CORO2B: variants seen among roughly 807,000 people sequenced by gnomAD.
CORO2B encodes the protein coronin-2B.
CORO2B carries 26 observed loss-of-function variants against 58.8 expected under a neutral mutation model. That is an observed-to-expected ratio of 0.44 (90% CI 0.32 to 0.61). The LOEUF (loss-of-function observed/expected upper bound fraction) is 0.61. Ranked by LOEUF, CORO2B falls within the 20% of genes least tolerant of loss-of-function variation. CORO2B has a pLI of 0.04. For missense variants in CORO2B, 460 were observed against 645.1 expected (o/e 0.71, Z 3.11); for synonymous variants, 242 against 253.8 (o/e 0.95, Z 0.44).
the CORO2B span, among the ~76,000 whole-genome samples, chr15:68,546,126 C>T: frequency 6.6e-6 from 1 of 152,160 alleles, no homozygotes; most frequent in Admixed American, 6.5e-5. Flanking sequence ...GCACATAAAA[C>T]CACTCTCCTA....
At chr15:68,700,608 T>C (rs532346944) in intron 3 of CORO2B, among the ~76,000 whole-genome samples, 1 of 152,322 alleles carries the variant, frequency 6.6e-6, no homozygotes, top group South Asian at 2.1e-4. Flanking sequence ...GAGGGAGGGC[T>C]GGGGGCCATA....
At position 68,717,531 on chromosome 15, in the gene CORO2B, G is replaced by T. The variant is rs76023722; in HGVS notation, c.968-1167G>T. ...GGTATCGGATATGGAGGGGTGGAGA[G>T]GAAAGAAGCAGGAAGGGCTCAGAAT... On this transcript the variant is annotated intron_variant, in intron 8 of 11. Coordinates refer to ENST00000261861, the MANE Select transcript of CORO2B (RefSeq NM_006091.5). Among the ~76,000 whole-genome samples, 416 of 152,196 alleles carry T rather than the reference G, an allele frequency of 2.7e-3. 12 individuals are homozygous for T. The East Asian group carries it at 0.073, about 27-fold the overall frequency.
chr15:68,553,230 T>C, the CORO2B span, among the ~76,000 whole-genome samples: 11 of 152,258 alleles, frequency 7.2e-5, 2 homozygotes, highest in South Asian at 2.3e-3. Context: ...TCAGCAAAGG[T>C]GTCCTTGTCC....
At chr15:68,603,697 G>A (rs1900038496) in intron 1 of CORO2B, among the ~76,000 whole-genome samples, 1 of 152,144 alleles carries the variant, frequency 6.6e-6, no homozygotes, top group Non-Finnish European at 1.5e-5. Context: ...TCTGCACAGA[G>A]GACACAGCAA....
At chr15:68,597,014 G>A (rs752375793) in intron 1 of CORO2B, among the ~76,000 whole-genome samples, 35 of 152,072 alleles carry the variant, frequency 2.3e-4, no homozygotes, top group Non-Finnish European at 4.4e-4. Flanking sequence ...CTCAGGGACC[G>A]CCCTCCCCTG....
intron 1 of CORO2B, among the ~76,000 whole-genome samples, chr15:68,600,039 G>C (rs1462677738): frequency 6.6e-6 from 1 of 152,188 alleles, no homozygotes; most frequent in East Asian, 1.9e-4. Flanking sequence ...CTGGCAGAGG[G>C]AGTAGAGACA....
In CORO2B at chr15:68,710,496, T is replaced by C. The variant is rs1433823212; in HGVS notation, c.334-236T>C. 6.6e-6 allele frequency among the ~76,000 whole-genome samples: 1 copy of C among 152,134 alleles called. No individual in the cohort carries two copies. Among genetic ancestry groups the C allele is most frequent in the Admixed American group, 6.5e-5 (1 of 15,280 alleles). On this transcript the variant is annotated intron_variant, in intron 3 of 11. Coordinates refer to ENST00000261861, the MANE Select transcript of CORO2B (RefSeq NM_006091.5). This position sits in a 1 kb window ranked among gnomAD's most constrained non-coding sequence, Gnocchi z 4.1. ...CATGCCAGTAATAACAGTTCTTAGGTCTGCAGAGACTTCCCAGAGAAAACC... is the reference window on the plus strand; with the variant it reads ...CATGCCAGTAATAACAGTTCTTAGGCCTGCAGAGACTTCCCAGAGAAAACC...
chr15:68,686,669 C>T (rs76206045), intron 2 of CORO2B, among the ~76,000 whole-genome samples: 5 of 152,020 alleles, frequency 3.3e-5, no homozygotes, highest in South Asian at 2.1e-4. Context: ...GAGGTTGAGG[C>T]GGGTGGATCA....
chr15:68,676,339 G>A (rs1480722517), intron 2 of CORO2B, among the ~76,000 whole-genome samples: 2 of 152,196 alleles, frequency 1.3e-5, no homozygotes, highest in Non-Finnish European at 2.9e-5. Context: ...CCCTCCAGAG[G>A]ATTCTGAATT....
intron 1 of CORO2B, among the ~76,000 whole-genome samples, chr15:68,642,747 G>A (rs1030997491): frequency 5.3e-5 from 8 of 152,184 alleles, no homozygotes; most frequent in East Asian, 1.9e-4. Context: ...AGGGAGAGGC[G>A]CCGGCTGTCT....
At chr15:68,556,385 C>T in the CORO2B span, among the ~76,000 whole-genome samples, 2 of 152,184 alleles carry the variant, frequency 1.3e-5, no homozygotes, top group African/African-American at 4.8e-5. Context: ...TCAAGCCAGG[C>T]ACAGGTCCCT....
intron 11 of CORO2B, among the ~76,000 whole-genome samples, chr15:68,719,762 C>G (rs1158157341): frequency 1.3e-5 from 2 of 152,228 alleles, no homozygotes; most frequent in Non-Finnish European, 2.9e-5. Context: ...CCCCACACCA[C>G]CCCCACGCCT....
chr15:68,623,772 T>A (rs1595974111), intron 1 of CORO2B, among the ~76,000 whole-genome samples: 1 of 152,122 alleles, frequency 6.6e-6, no homozygotes. Context: ...GGCTGCTGGG[T>A]AATCCCCGTT....
At chr15:68,560,947 G>A in the CORO2B span, among the ~76,000 whole-genome samples, 2 of 152,252 alleles carry the variant, frequency 1.3e-5, no homozygotes, top group African/African-American at 2.4e-5. Flanking sequence ...GGCACAGCCC[G>A]GGTAATTTTC....
chr15:68,632,000 G>C, intron 1 of CORO2B: 1 of 985,450 alleles, frequency 1.0e-6, no homozygotes, highest in Non-Finnish European at 1.2e-6. Flanking sequence ...AGATTCTGTT[G>C]ACCTTTAGTA....
At chr15:68,537,983 G>A in the CORO2B span, among the ~76,000 whole-genome samples, 8 of 152,186 alleles carry the variant, frequency 5.3e-5, no homozygotes, top group Admixed American at 5.2e-4. Context: ...GTGTGTGGCG[G>A]GGAGCCTTGT....
intron 1 of CORO2B, among the ~76,000 whole-genome samples, chr15:68,591,468 C>T (rs1193088319): frequency 6.6e-6 from 1 of 152,188 alleles, no homozygotes; most frequent in Non-Finnish European, 1.5e-5. Flanking sequence ...AGCCAAGAAG[C>T]TTGAGCTTCA....
At chr15:68,697,972 T>C (rs1196217473) in intron 3 of CORO2B, among the ~76,000 whole-genome samples, 1 of 151,662 alleles carries the variant, frequency 6.6e-6, no homozygotes, top group Admixed American at 6.6e-5. Flanking sequence ...GCTGGGAGAG[T>C]GGCGGGAAGG....
At chr15:68,522,088 C>T in the CORO2B span, among the ~76,000 whole-genome samples, 51 of 152,230 alleles carry the variant, frequency 3.4e-4, no homozygotes, top group African/African-American at 1.1e-3. Context: ...GGATTGCAGG[C>T]GTGACCCACC....
Sources: allele counts gnomAD v4.1 joint callset (sites outside exome capture counted in the v4.1 genomes callset), GRCh38; gene constraint gnomAD v4.1.1; non-coding constraint Gnocchi (gnomAD v3.1); transcripts MANE v1.5; gene names NCBI Gene and HGNC (gene_info 2026-07-23, HGNC 2026-07-21).